The following SLC16A4 variants were observed in gnomAD, a reference collection of about 807,000 sequenced individuals.
SLC16A4 encodes probable monocarboxylate transporter 5.
SLC16A4 carries 39 observed loss-of-function variants against 47.9 expected under a neutral mutation model. The ratio of observed to expected loss-of-function variants is 0.81; its 90% CI spans 0.63 to 1.06. SLC16A4 has a LOEUF of 1.06. Ranked by LOEUF, SLC16A4 falls within the 50% of genes least tolerant of loss-of-function variation. The probability of loss-of-function intolerance (pLI) is 0.00; values close to 1 mark genes in which losing one functional copy is unlikely to be tolerated. For missense variants in SLC16A4, 524 were observed against 573.8 expected (o/e 0.91, Z 0.89); for synonymous variants, 189 against 199.9 (o/e 0.95, Z 0.46).
chr1:110,363,935 C>CCATTAGTA (rs1261923751), intron 8 of SLC16A4, 42 bp from the exon 9 acceptor site: 3 of 1,583,518 alleles, frequency 1.9e-6, no homozygotes, highest in Non-Finnish European at 2.6e-6. Flanking sequence ...GGAAATTTTG[C>CCATTAGTA]CATTAGTAAC....
At chr1:110,380,207 C>G (rs1289547979) in intron 5 of SLC16A4, among the ~76,000 whole-genome samples, 1 of 152,124 alleles carries the variant, frequency 6.6e-6, no homozygotes, top group Non-Finnish European at 1.5e-5. Context: ...CTGATCAAAG[C>G]TATGATTTGT....
intron 5 of SLC16A4, 60 bp from the exon 6 acceptor site, chr1:110,379,416 G>C: frequency 2.0e-6 from 3 of 1,488,756 alleles, no homozygotes; most frequent in Non-Finnish European, 2.7e-6. Context: ...ACTGCTTTGT[G>C]TTCATAGGCT....
rs1297614596 is a variant in SLC16A4 at position 110,380,974 on chromosome 1, T to A, written c.526+8A>T. ...CAGTTGATAGTAAATAAACTTAGAA[T>A]GACGTACCTGTCCAGTCATACAGAT... On this transcript the variant is annotated splice_region_variant and intron_variant, in intron 5 of 8. Coordinates refer to ENST00000369779, the MANE Select transcript of SLC16A4 (RefSeq NM_004696.3). 2 of 1,612,708 alleles carry A rather than the reference T, an allele frequency of 1.2e-6. No individual in the cohort carries two copies. The highest frequency in any genetic ancestry group is 8.5e-7 in the Non-Finnish European group (1 of 1,178,940).
At chr1:110,369,860 G>A (rs991846261) in intron 8 of SLC16A4, among the ~76,000 whole-genome samples, 2 of 152,136 alleles carry the variant, frequency 1.3e-5, no homozygotes, top group South Asian at 2.1e-4. Context: ...TGCCATGATC[G>A]GAAAAATCTT....
chr1:110,381,813 A>G lies in SLC16A4; in HGVS notation c.221-18T>C. On this transcript the variant is annotated intron_variant, in intron 3 of 8. Transcript: ENST00000369779. ...CAGGGGACCTTAAGAGAAGAAAGAA[A>G]GGCAATTCTTAGGTAAATAATGATC... 1 of 1,605,766 alleles carries G rather than the reference A, an allele frequency of 6.2e-7. No homozygotes were observed.
chr1:110,369,524 T>C (rs563334056), intron 8 of SLC16A4, among the ~76,000 whole-genome samples: 3 of 152,124 alleles, frequency 2.0e-5, no homozygotes, highest in Admixed American at 6.5e-5. Context: ...CACTTGAACC[T>C]GGATAAGTGA....
chr1:110,363,615 G>A lies in SLC16A4; in HGVS notation c.*151C>T. On this transcript the variant is annotated 3_prime_UTR_variant, in exon 9 of 9. Transcript: ENST00000369779. The stretch of plus-strand genomic sequence containing the variant: ...CACTCCAGCCTGGGCGAAAGAGCGA[G>A]ACTCCGTCTCAAAAAAAAAAAAAAA... The A allele has an allele frequency of 1.4e-6, 1 of 701,314 alleles. No homozygotes were observed. The highest frequency in any genetic ancestry group is 2.3e-5 in the South Asian group (1 of 43,126). 43.4% of individuals were successfully genotyped at this position (701,314 alleles called of 1,614,324 possible).
At chr1:110,368,332 C>T (rs1435545698) in intron 8 of SLC16A4, among the ~76,000 whole-genome samples, 1 of 152,180 alleles carries the variant, frequency 6.6e-6, no homozygotes, top group Non-Finnish European at 1.5e-5. Context: ...TGAATGTTCA[C>T]TCTATGCCTG....
intron 8 of SLC16A4, among the ~76,000 whole-genome samples, chr1:110,368,544 G>A (rs543426184): frequency 2.6e-5 from 4 of 152,218 alleles, no homozygotes; most frequent in South Asian, 2.1e-4. Context: ...TGATTCTTAC[G>A]CACAGTAAAA....
intron 8 of SLC16A4, chr1:110,371,957 C>T (rs1038141133): frequency 2.0e-5 from 3 of 151,888 alleles, no homozygotes; most frequent in Non-Finnish European, 4.4e-5. Flanking sequence ...AATTTTGTTG[C>T]TTTCTTAAAT....
chr1:110,377,143 C>T lies in SLC16A4; in HGVS notation c.1049G>A (p.Ser350Asn), dbSNP rs755357789. 12 of 1,613,984 alleles carry T rather than the reference C, an allele frequency of 7.4e-6. No homozygotes were observed. In the South Asian group the frequency reaches 7.7e-5, roughly 10 times the overall value. ...VSVAGILETV[S>N]QIISGWVADQ... ...AGCAACCCATCCAGAAATAATCTGACTGACCGTCTCAAGGATACCTGGAAC... is the reference window on the plus strand; with the variant it reads ...AGCAACCCATCCAGAAATAATCTGATTGACCGTCTCAAGGATACCTGGAAC... Residue 350 changes from serine to asparagine, a missense_variant, in exon 7 of 9, where the codon AGT becomes AAT. Physicochemically the swap from Ser to Asn is conservative, Grantham distance 46. Transcript: ENST00000369779.
chr1:110,385,404 A>G (rs1212336234), intron 2 of SLC16A4, among the ~76,000 whole-genome samples: 1 of 152,242 alleles, frequency 6.6e-6, no homozygotes, highest in African/African-American at 2.4e-5. Context: ...CTTAACACTC[A>G]AACAATTAAC....
At chr1:110,383,099 A>G in intron 2 of SLC16A4, 133 bp from the exon 3 acceptor site, 1 of 664,392 alleles carries the variant, frequency 1.5e-6, no homozygotes, top group South Asian at 3.0e-5. Flanking sequence ...GAGCCTCATT[A>G]TACATCTTAT....
chr1:110,371,663 G>C (rs6677797), intron 8 of SLC16A4: 84,015 of 152,006 alleles, frequency 0.55, 23,220 homozygotes, highest in Admixed American at 0.59. Context: ...CCATCTAACC[G>C]CAAAAGCAGC....
At chr1:110,382,753 T>C in intron 3 of SLC16A4, 81 bp downstream of exon 3, 2 of 1,310,648 alleles carry the variant, frequency 1.5e-6, no homozygotes, top group East Asian at 2.5e-5. Flanking sequence ...ACTGAATTCC[T>C]ATTCAGTCTT....
At chr1:110,389,162 G>A (rs1022643235) in intron 2 of SLC16A4, 75 bp downstream of exon 2, 20 of 1,206,558 alleles carry the variant, frequency 1.7e-5, no homozygotes, top group Admixed American at 6.8e-5. Context: ...GATCCTATTC[G>A]TAGGCAGCTC....
intron 8 of SLC16A4, among the ~76,000 whole-genome samples, chr1:110,366,084 G>T (rs113381099): frequency 6.7e-6 from 1 of 149,778 alleles, no homozygotes; most frequent in Non-Finnish European, 1.5e-5. Context: ...CCATCATGCC[G>T]ACCAAGCCTT....
chr1:110,380,937 C>CTAAATCTTGCACAGTTGATAG lies in SLC16A4; in HGVS notation c.526+24_526+44dup, dbSNP rs779024136. 43 of 1,563,872 alleles carry CTAAATCTTGCACAGTTGATAG rather than the reference C, an allele frequency of 2.7e-5. No individual in the cohort carries two copies. In the South Asian group the frequency reaches 4.7e-4, roughly 17 times the overall value. On this transcript the variant is annotated intron_variant, in intron 5 of 8. Coordinates refer to ENST00000369779, the MANE Select transcript of SLC16A4 (RefSeq NM_004696.3). The stretch of plus-strand genomic sequence containing the variant: ...TTTCTCAAAGGGAGAAAGCTGAACG[C>CTAAATCTTGCACAGTTGATAG]TAAATCTTGCACAGTTGATAGTAAA...
chr1:110,366,163 T>C (rs1464648493), intron 8 of SLC16A4, among the ~76,000 whole-genome samples: 2 of 151,840 alleles, frequency 1.3e-5, no homozygotes, highest in Non-Finnish European at 2.9e-5. Flanking sequence ...CACTCACTTT[T>C]TTTTTTGTTT....
Sources: gnomAD v4.1 joint callset for allele counts (sites outside exome capture counted in the v4.1 genomes callset) on GRCh38, gnomAD v4.1.1 for gene constraint, MANE v1.5 for transcripts, NCBI Gene and HGNC (gene_info 2026-07-23, HGNC 2026-07-21) for gene names.